Variants in GABRG2 observed in about 807,000 individuals in gnomAD.
GABRG2 encodes gamma-aminobutyric acid receptor subunit gamma-2.
GABRG2 carries 16 observed loss-of-function variants against 56.4 expected under a neutral mutation model. That is an observed-to-expected ratio of 0.28 (90% confidence interval 0.19 to 0.43). GABRG2 has a LOEUF of 0.43. GABRG2 is among the 20% of genes least tolerant of loss of function. The pLI, the probability that GABRG2 is intolerant of heterozygous loss-of-function variation, is 1.00. For synonymous variants in GABRG2, 208 were observed against 205.5 expected (o/e 1.01, Z -0.10); for missense variants, 327 against 582.7 (o/e 0.56, Z 4.52).
At chr5:162,152,405 G>T in intron 9 of GABRG2, 1 of 446,214 alleles carries the variant, frequency 2.2e-6, no homozygotes, top group Non-Finnish European at 4.4e-6. Context: ...TCATTTAGTT[G>T]CATAGAAATT....
At chr5:162,098,858 C>T (rs997099927) in intron 4 of GABRG2, 3 of 152,180 alleles carry the variant, frequency 2.0e-5, no homozygotes, top group African/African-American at 7.2e-5. Context: ...CTCCCCCGAC[C>T]TTGACATCAC....
intron 1 of GABRG2, among the ~76,000 whole-genome samples, chr5:162,077,831 A>C (rs1759262703): frequency 6.6e-6 from 1 of 152,060 alleles, no homozygotes; most frequent in Non-Finnish European, 1.5e-5. Flanking sequence ...GCTCACTCCA[A>C]TGTGGCTATT....
chr5:162,108,301 CAA>C (rs1392465117), intron 6 of GABRG2, among the ~76,000 whole-genome samples: 2 of 152,152 alleles, frequency 1.3e-5, no homozygotes, highest in Non-Finnish European at 2.9e-5. Flanking sequence ...CAATTGAGCA[CAA>C]GCTATTGTTT....
intron 4 of GABRG2, 54 bp from the exon 5 acceptor site, chr5:162,101,181 A>G: frequency 2.5e-6 from 3 of 1,213,846 alleles, no homozygotes; most frequent in Non-Finnish European, 3.7e-6. Flanking sequence ...GTGCAAATTT[A>G]CAATTTAAAA....
In GABRG2 at chr5:162,078,566, C is replaced by T. The variant is rs556630993; in HGVS notation, c.107+10460C>T. Among the ~76,000 whole-genome samples the T allele has an allele frequency of 2.3e-3, 345 of 150,930 alleles. 3 individuals carry two copies. Among genetic ancestry groups the T allele is most frequent in the African/African-American group, 7.9e-3 (327 of 41,152 alleles). ...GACTACAGGTGCCTGCCACCATGCCCGGATAATTTTTTACATTTTTAGTAG... is the reference window on the plus strand; with the variant it reads ...GACTACAGGTGCCTGCCACCATGCCTGGATAATTTTTTACATTTTTAGTAG... On this transcript the variant is annotated intron_variant, in intron 1 of 9. Transcript: ENST00000639213.
At chr5:162,125,273 G>A (rs1763254477) in intron 6 of GABRG2, among the ~76,000 whole-genome samples, 1 of 151,090 alleles carries the variant, frequency 6.6e-6, no homozygotes, top group South Asian at 2.1e-4. Context: ...ACTCTGTTTG[G>A]TGCGAGTGTT....
intron 7 of GABRG2, among the ~76,000 whole-genome samples, chr5:162,148,016 TTGAATAC>T (rs1765090479): frequency 6.6e-6 from 1 of 152,168 alleles, no homozygotes; most frequent in Admixed American, 6.5e-5. Flanking sequence ...TAGAACCTAT[TTGAATAC>T]TGAATCCATT....
intron 1 of GABRG2, among the ~76,000 whole-genome samples, chr5:162,090,409 C>T (rs556276572): frequency 4.6e-4 from 70 of 152,106 alleles, no homozygotes; most frequent in African/African-American, 1.6e-3. Flanking sequence ...CTGAGATCCT[C>T]AAATATTAAT....
chr5:162,091,165 G>T (rs184331570), intron 1 of GABRG2, among the ~76,000 whole-genome samples: 1 of 151,916 alleles, frequency 6.6e-6, no homozygotes, highest in Admixed American at 6.6e-5. Flanking sequence ...TTTGTTTTTA[G>T]TTCTCCTCAG....
At chr5:162,112,630 A>G (rs1303106917) in intron 6 of GABRG2, among the ~76,000 whole-genome samples, 1 of 152,200 alleles carries the variant, frequency 6.6e-6, no homozygotes, top group East Asian at 1.9e-4. Flanking sequence ...AATAGCAATA[A>G]GGAAAATGTA....
At chr5:162,146,159 A>G (rs927492978) in intron 7 of GABRG2, among the ~76,000 whole-genome samples, 1 of 151,992 alleles carries the variant, frequency 6.6e-6, no homozygotes, top group Non-Finnish European at 1.5e-5. Flanking sequence ...CCAGACCCAT[A>G]TCACCTCCCC....
At chr5:162,085,080 T>C (rs1759959979) in intron 1 of GABRG2, among the ~76,000 whole-genome samples, 1 of 151,996 alleles carries the variant, frequency 6.6e-6, no homozygotes, top group Admixed American at 6.6e-5. Flanking sequence ...CCCAAGGTCA[T>C]GCAGGTTATG....
intron 1 of GABRG2, among the ~76,000 whole-genome samples, chr5:162,086,310 G>A (rs780029749): frequency 3.3e-5 from 5 of 151,802 alleles, no homozygotes; most frequent in Admixed American, 6.6e-5. Context: ...ACTATTCATC[G>A]GGTGTCTTGC....
intron 9 of GABRG2, chr5:162,152,885 C>T: frequency 1.6e-6 from 1 of 626,984 alleles, no homozygotes; most frequent in South Asian, 1.9e-5. Flanking sequence ...ATATTATTTT[C>T]AGCTGCACTG....
At chr5:162,149,365 G>T in intron 8 of GABRG2, 52 bp downstream of exon 8, 1 of 1,578,602 alleles carries the variant, frequency 6.3e-7, no homozygotes, top group Non-Finnish European at 8.7e-7. Context: ...TTTCGGTTTA[G>T]TTTGTTTTCA....
intron 1 of GABRG2, among the ~76,000 whole-genome samples, chr5:162,078,994 TTTAAA>T (rs1158024149): frequency 2.0e-5 from 3 of 150,034 alleles, no homozygotes; most frequent in African/African-American, 7.3e-5. Flanking sequence ...ATTTAATTTG[TTTAAA>T]TTAAATAGAT....
intron 6 of GABRG2, among the ~76,000 whole-genome samples, chr5:162,129,487 A>G (rs947963821): frequency 2.0e-5 from 3 of 152,024 alleles, no homozygotes; most frequent in Non-Finnish European, 4.4e-5. Context: ...AAAGTGAAAA[A>G]AAAAATGATA....
intron 9 of GABRG2, 171 bp from the exon 10 acceptor site, chr5:162,152,922 A>G (rs1765475632): frequency 1.3e-6 from 1 of 777,848 alleles, no homozygotes; most frequent in Non-Finnish European, 2.1e-6. Context: ...GAAATCTGCA[A>G]ATGTGCTATC....
chr5:162,091,546 C>T (rs966825759), intron 1 of GABRG2, among the ~76,000 whole-genome samples: 1 of 151,948 alleles, frequency 6.6e-6, no homozygotes, highest in Admixed American at 6.6e-5. Context: ...AGCCACAAAT[C>T]CAGAAAGCAG....
Sources: gnomAD v4.1 joint callset for allele counts (sites outside exome capture counted in the v4.1 genomes callset) on GRCh38, gnomAD v4.1.1 for gene constraint, MANE v1.5 for transcripts, NCBI Gene and HGNC (gene_info 2026-07-23, HGNC 2026-07-21) for gene names.